SFXN2: variants seen among roughly 807,000 people sequenced by gnomAD.
The protein encoded by SFXN2 is sideroflexin-2.
SFXN2 carries 37 observed loss-of-function variants against 41.9 expected under a neutral mutation model. That is an observed-to-expected ratio of 0.88 (90% CI 0.68 to 1.16). The LOEUF is 1.16. Among genes scored for constraint, SFXN2 ranks in the 50% most tolerant of loss-of-function variants. SFXN2 has a pLI of 0.00. For missense variants in SFXN2, 386 were observed against 425.2 expected, an observed-to-expected ratio of 0.91 and a Z score of 0.81; for synonymous variants, 150 against 156.7, an observed-to-expected ratio of 0.96 and a Z score of 0.32.
At chr10:102,729,219 T>C in intron 4 of SFXN2, 100 bp from the exon 5 acceptor site, 4 of 1,109,448 alleles carry the variant, frequency 3.6e-6, no homozygotes, top group Non-Finnish European at 5.4e-6. Context: ...TGTGCGGTTT[T>C]CACGCACGAA....
chr10:102,737,738 T>A lies in SFXN2; in HGVS notation c.945T>A (p.Tyr315Ter). 6.2e-7 allele frequency: 1 copy of A among 1,612,736 alleles called. No individual in the cohort carries two copies. The highest frequency in any genetic ancestry group is 8.5e-7 in the Non-Finnish European group (1 of 1,178,894). Residue 315 changes from tyrosine (Y) to a stop codon, truncating the protein, a stop_gained, in exon 12 of 12, where the codon TAT becomes TAA. Transcript: ENST00000369893. LOFTEE classifies it high-confidence loss of function. ...IKAKYGELEP[Y>*]VYFNKGL ...CCAAGTATGGAGAACTTGAGCCTTA[T>A]GTCTACTTCAATAAGGGTCTCTAAA...
rs908925899 is a variant in SFXN2, at chr10:102,724,700, C to CA, written c.-25-1901dup. Reference sequence around the variant, plus strand: ...CTGGTGGCAGAGCAAGACTCCGTCTCAAAAAAAAAAAGATTTTCCATCACT... The same window carrying CA: ...CTGGTGGCAGAGCAAGACTCCGTCTCAAAAAAAAAAAAGATTTTCCATCACT... On this transcript the variant is annotated intron_variant, in intron 1 of 11. Coordinates refer to ENST00000369893, the MANE Select transcript of SFXN2 (RefSeq NM_178858.6). Among the ~76,000 whole-genome samples the CA allele has an allele frequency of 6.3e-4, 89 of 142,286 alleles. No homozygotes were observed. In the Middle Eastern group the frequency reaches 0.018, roughly 29 times the overall value. 93.3% of individuals were successfully genotyped at this position (142,286 alleles called of 152,430 possible).
intron 1 of SFXN2, among the ~76,000 whole-genome samples, chr10:102,723,919 A>G (rs2064549890): frequency 6.6e-6 from 1 of 152,174 alleles, no homozygotes; most frequent in Non-Finnish European, 1.5e-5. Context: ...AGATTGTTTC[A>G]TCACCCAGCT....
rs372164939 is a variant in SFXN2 at position 102,728,518 on chromosome 10, C to A, written c.420C>A (p.Pro140=). ...ACACCAACAGGAATGCGGCTTCCCC[C>A]ACATCAGTCAGGTAGGAGACCTGAA... ...VNYTNRNAAS[P]TSVRQMALSY... Residue 140 remains proline (P), a synonymous_variant, in exon 4 of 12, where the codon CCC becomes CCA. Coordinates refer to ENST00000369893, the MANE Select transcript of SFXN2 (RefSeq NM_178858.6). The A allele has an allele frequency of 6.2e-7, 1 of 1,613,658 alleles. No homozygotes were observed. Among genetic ancestry groups the A allele is most frequent in the Admixed American group, 1.7e-5 (1 of 59,974 alleles).
rs1401930641 is a variant in SFXN2, at chr10:102,741,340, G to T, written c.*3578G>T. The T allele has an allele frequency of 6.6e-6, 1 of 152,152 alleles. No homozygotes were observed. Among genetic ancestry groups the T allele is most frequent in the Non-Finnish European group, 1.5e-5 (1 of 68,048 alleles). 9.4% of individuals were successfully genotyped at this position (152,152 alleles called of 1,614,324 possible). On this transcript the variant is annotated 3_prime_UTR_variant, in exon 12 of 12. Coordinates refer to ENST00000369893, the MANE Select transcript of SFXN2 (RefSeq NM_178858.6). ...ATGATCATGACTCATTGCTTCCTCA[G>T]CCTCCTGGACTCAAGTGATCCTCCT...
intron 6 of SFXN2, among the ~76,000 whole-genome samples, chr10:102,731,464 G>A (rs1215336383): frequency 1.3e-5 from 2 of 152,092 alleles, no homozygotes; most frequent in Non-Finnish European, 2.9e-5. Flanking sequence ...TAAAGACTGT[G>A]CTCAAGGTCA....
chr10:102,718,082 G>GT (rs1233231121), intron 1 of SFXN2, among the ~76,000 whole-genome samples: 1 of 152,144 alleles, frequency 6.6e-6, no homozygotes, highest in Non-Finnish European at 1.5e-5. Flanking sequence ...TGTTTTTTTT[G>GT]TTTTGTTTTT....
At chr10:102,731,087 C>CA (rs1345263548) in intron 6 of SFXN2, among the ~76,000 whole-genome samples, 591 of 137,562 alleles carry the variant, frequency 4.3e-3, no homozygotes, top group Admixed American at 6.6e-3. Context: ...GACTCCATCA[C>CA]AAAAAAAAAA....
chr10:102,725,379 A>G (rs1177468555), intron 1 of SFXN2, among the ~76,000 whole-genome samples: 5 of 152,162 alleles, frequency 3.3e-5, no homozygotes, highest in African/African-American at 1.2e-4. Flanking sequence ...ACAACCCAAG[A>G]TGGTTAGGCT....
chr10:102,735,711 G>A (rs763682201), intron 10 of SFXN2, 151 bp from the exon 11 acceptor site: 16 of 771,536 alleles, frequency 2.1e-5, no homozygotes, highest in African/African-American at 3.4e-5. Flanking sequence ...CTCGCACTGC[G>A]GGAACAGGAG....
At chr10:102,715,718 G>C (rs1404087209) in intron 1 of SFXN2, among the ~76,000 whole-genome samples, 1 of 152,150 alleles carries the variant, frequency 6.6e-6, no homozygotes, top group African/African-American at 2.4e-5. Context: ...GGTGGAAGGG[G>C]AGGAAGGCTT....
At chr10:102,732,025 C>A in intron 7 of SFXN2, 127 bp from the exon 8 acceptor site, 1 of 920,114 alleles carries the variant, frequency 1.1e-6, no homozygotes, top group Non-Finnish European at 1.7e-6. Context: ...GGTCACTCAG[C>A]AACTGGAGGG....
chr10:102,732,805 G>A, intron 8 of SFXN2, 54 bp from the exon 9 acceptor site: 1 of 1,596,232 alleles, frequency 6.3e-7, no homozygotes, highest in Non-Finnish European at 8.6e-7. Flanking sequence ...TTCAGAAGGA[G>A]TCCTGGGGAG....
At chr10:102,731,877 T>C (rs1201057332) in intron 7 of SFXN2, 94 bp downstream of exon 7, 4 of 1,161,206 alleles carry the variant, frequency 3.4e-6, no homozygotes, top group Non-Finnish European at 5.0e-6. Flanking sequence ...AATATAGGAT[T>C]GAGAAGCCTT....
intron 1 of SFXN2, among the ~76,000 whole-genome samples, chr10:102,723,454 C>T (rs1172033394): frequency 6.6e-6 from 1 of 150,904 alleles, no homozygotes; most frequent in Non-Finnish European, 1.5e-5. Flanking sequence ...GTTTCACCGT[C>T]TTGGTCAGGC....
intron 1 of SFXN2, among the ~76,000 whole-genome samples, chr10:102,721,193 A>G (rs2064503968): frequency 6.6e-6 from 1 of 152,120 alleles, no homozygotes; most frequent in Non-Finnish European, 1.5e-5. Context: ...ATCAATTTCT[A>G]TATTTTATCA....
chr10:102,715,754 G>A (rs894498087), intron 1 of SFXN2, among the ~76,000 whole-genome samples: 6 of 151,780 alleles, frequency 4.0e-5, no homozygotes, highest in Non-Finnish European at 8.8e-5. Flanking sequence ...AGACCAGCCC[G>A]GGCAACACAG....
Position 102,740,564 on chromosome 10 carries a change from T to C in SFXN2, c.*2802T>C, listed in dbSNP as rs1362715463. 6.6e-6 allele frequency: 1 copy of C among 152,228 alleles called. No homozygotes were observed. Among genetic ancestry groups the C allele is most frequent in the Non-Finnish European group, 1.5e-5 (1 of 68,076 alleles). The allele number at this position is 152,228 out of a possible 1,614,324, so 9.4% of individuals were successfully genotyped here. On this transcript the variant is annotated 3_prime_UTR_variant, in exon 12 of 12. Coordinates refer to ENST00000369893, the MANE Select transcript of SFXN2 (RefSeq NM_178858.6). The stretch of plus-strand genomic sequence containing the variant: ...GCCCCAAAAGAAACCCCATACCCAT[T>C]GGCAGTCACTCCACATTCTCCCTAC...
chr10:102,735,551 C>A (rs1323695887), intron 10 of SFXN2, among the ~76,000 whole-genome samples: 3 of 152,156 alleles, frequency 2.0e-5, no homozygotes, highest in Non-Finnish European at 4.4e-5. Context: ...TCGCTCGATG[C>A]CAGCAGTGCC....
Sources: gnomAD v4.1 joint callset for allele counts (sites outside exome capture counted in the v4.1 genomes callset) on GRCh38, gnomAD v4.1.1 for gene constraint, MANE v1.5 for transcripts, NCBI Gene and HGNC (gene_info 2026-07-23, HGNC 2026-07-21) for gene names.